Variants in OSBPL6 observed in about 807,000 individuals in gnomAD.
The protein encoded by OSBPL6 is oxysterol binding protein like 6.
OSBPL6 carries 49 observed loss-of-function variants against 125.8 expected under a neutral mutation model. The ratio of observed to expected loss-of-function variants is 0.39; its 90% CI spans 0.31 to 0.49. The LOEUF is 0.49. Ranked by LOEUF, OSBPL6 falls within the 20% of genes least tolerant of loss-of-function variation. OSBPL6 has a pLI of 0.88. For synonymous variants in OSBPL6, 394 were observed against 391.8 expected, an observed-to-expected ratio of 1.01 and a Z score of -0.07; for missense variants, 986 against 1,135.4, an observed-to-expected ratio of 0.87 and a Z score of 1.89.
At chr2:178,288,438 C>G (rs1684915764) in intron 2 of OSBPL6, among the ~76,000 whole-genome samples, 1 of 152,144 alleles carries the variant, frequency 6.6e-6, no homozygotes, top group Non-Finnish European at 1.5e-5. Flanking sequence ...CATTCATTGT[C>G]CATCACAATC....
At position 178,340,181 on chromosome 2, in the gene OSBPL6, G is replaced by A. The variant is rs973905955; in HGVS notation, c.987+417G>A. 2.0e-5 allele frequency among the ~76,000 whole-genome samples: 3 copies of A among 152,124 alleles called. No homozygotes were observed. In the South Asian group the frequency reaches 6.2e-4, roughly 32 times the overall value. On this transcript the variant is annotated intron_variant, in intron 11 of 24. Transcript: ENST00000190611. ...ATGTTTTCTATCAAGAAAAAGTGTA[G>A]GAGGTTCAATAGATTAGAAATCAGC...
intron 1 of OSBPL6, among the ~76,000 whole-genome samples, chr2:178,239,134 A>G (rs1477736131): frequency 6.6e-6 from 1 of 152,152 alleles, no homozygotes; most frequent in Non-Finnish European, 1.5e-5. Flanking sequence ...TTCCCCAAAC[A>G]TTTTTTGGCT....
At chr2:178,228,274 G>A (rs946337507) in intron 1 of OSBPL6, among the ~76,000 whole-genome samples, 21 of 152,172 alleles carry the variant, frequency 1.4e-4, no homozygotes, top group Non-Finnish European at 2.6e-4. Flanking sequence ...GGTGGCTCAT[G>A]CCTGTAATCC....
intron 1 of OSBPL6, among the ~76,000 whole-genome samples, chr2:178,204,025 C>CTTT (rs1166160655): frequency 9.3e-5 from 12 of 128,992 alleles, no homozygotes; most frequent in Middle Eastern, 4.1e-3. Context: ...TTTTCTTTTT[C>CTTT]TTTTTTTTTT....
chr2:178,271,261 C>T (rs2092369997), intron 1 of OSBPL6, among the ~76,000 whole-genome samples: 1 of 152,056 alleles, frequency 6.6e-6, no homozygotes. Flanking sequence ...AAGCTTTAGT[C>T]ATAAGAATGC....
chr2:178,383,744 C>T (rs1212087883), intron 17 of OSBPL6, among the ~76,000 whole-genome samples: 1 of 152,194 alleles, frequency 6.6e-6, no homozygotes, highest in Non-Finnish European at 1.5e-5. Context: ...TGTGGCAGAA[C>T]CAATAAGCTG....
intron 1 of OSBPL6, among the ~76,000 whole-genome samples, chr2:178,197,991 G>A (rs750288925): frequency 1.2e-4 from 18 of 152,218 alleles, no homozygotes; most frequent in Non-Finnish European, 1.8e-4. Context: ...GTCATGCTGA[G>A]AAGAGGAAGG....
intron 11 of OSBPL6, among the ~76,000 whole-genome samples, chr2:178,341,324 C>T (rs1028282041): frequency 4.8e-5 from 7 of 145,612 alleles, no homozygotes; most frequent in African/African-American, 1.8e-4. Context: ...TAGAGACCCC[C>T]AAATCATTCT....
Position 178,399,569 on chromosome 2 carries a change from A to G in OSBPL6, c.*4010A>G, listed in dbSNP as rs1244394511. The G allele has an allele frequency of 6.6e-6, 1 of 152,256 alleles. No homozygotes were observed. Among genetic ancestry groups the G allele is most frequent in the Non-Finnish European group, 1.5e-5 (1 of 68,046 alleles). 9.4% of individuals were successfully genotyped at this position (152,256 alleles called of 1,614,324 possible). On this transcript the variant is annotated 3_prime_UTR_variant, in exon 25 of 25. Coordinates refer to ENST00000190611, the MANE Select transcript of OSBPL6 (RefSeq NM_032523.4). ...AAGGAGGTCTTTAAAAATTGTTGTG[A>G]TGGACCAACATGTCCAACATCTTAA... is the stretch of plus-strand genomic sequence containing the variant.
intron 8 of OSBPL6, among the ~76,000 whole-genome samples, chr2:178,333,277 C>T (rs186984799): frequency 3.3e-5 from 5 of 152,142 alleles, no homozygotes; most frequent in East Asian, 3.9e-4. Context: ...CCCAGGTACT[C>T]GGGAGGCTGA....
intron 13 of OSBPL6, among the ~76,000 whole-genome samples, chr2:178,363,733 T>A (rs1189595007): frequency 1.3e-5 from 2 of 152,238 alleles, no homozygotes; most frequent in East Asian, 3.8e-4. Context: ...CCCTCTCTTG[T>A]CAACACATAT....
intron 1 of OSBPL6, among the ~76,000 whole-genome samples, chr2:178,283,200 T>C (rs765758867): frequency 6.6e-6 from 1 of 152,130 alleles, no homozygotes; most frequent in African/African-American, 2.4e-5. Context: ...TTAAAAATGT[T>C]ATTTAAAGAA....
chr2:178,378,464 T>C (rs1403216113), intron 15 of OSBPL6, among the ~76,000 whole-genome samples: 18 of 152,262 alleles, frequency 1.2e-4, no homozygotes, highest in Admixed American at 1.0e-3. Flanking sequence ...CAATGCACTT[T>C]ACTGAATGAA....
intron 15 of OSBPL6, among the ~76,000 whole-genome samples, chr2:178,381,593 T>C (rs1474604553): frequency 6.6e-6 from 1 of 152,114 alleles, no homozygotes; most frequent in Non-Finnish European, 1.5e-5. Context: ...CACCTTGTGA[T>C]CTGCCTGCCT....
At chr2:178,295,518 T>C (rs951434031) in intron 2 of OSBPL6, among the ~76,000 whole-genome samples, 1 of 152,168 alleles carries the variant, frequency 6.6e-6, no homozygotes, top group Non-Finnish European at 1.5e-5. Context: ...GCCTGAAATA[T>C]TTTCTGTCTG....
At chr2:178,211,352 G>C (rs2089850284) in intron 1 of OSBPL6, among the ~76,000 whole-genome samples, 1 of 152,186 alleles carries the variant, frequency 6.6e-6, no homozygotes, top group Non-Finnish European at 1.5e-5. Context: ...ACCCCTGTAT[G>C]CAAATAGGTG....
At chr2:178,233,834 C>G (rs2090938257) in intron 1 of OSBPL6, among the ~76,000 whole-genome samples, 1 of 152,140 alleles carries the variant, frequency 6.6e-6, no homozygotes, top group African/African-American at 2.4e-5. Flanking sequence ...GAGCTTAGCA[C>G]AGTATCTGGC....
At chr2:178,366,112 G>T in intron 13 of OSBPL6, among the ~76,000 whole-genome samples, 1 of 152,070 alleles carries the variant, frequency 6.6e-6, no homozygotes, top group East Asian at 1.9e-4. Flanking sequence ...GGCTGGTCTC[G>T]AACTCGTGGC....
chr2:178,331,508 A>G (rs772611209), intron 5 of OSBPL6, 44 bp from the exon 6 acceptor site: 2 of 1,598,208 alleles, frequency 1.3e-6, no homozygotes, highest in African/African-American at 2.7e-5. Flanking sequence ...TGTTTTATGT[A>G]ATTCAAAATA....
Sources: allele counts gnomAD v4.1 joint callset (sites outside exome capture counted in the v4.1 genomes callset), GRCh38; gene constraint gnomAD v4.1.1; transcripts MANE v1.5; gene names NCBI Gene and HGNC (gene_info 2026-07-23, HGNC 2026-07-21).